Variants in OPA3 observed in about 807,000 individuals in gnomAD.
OPA3 encodes outer mitochondrial membrane lipid metabolism regulator OPA3.
A neutral mutation model predicts 4.0 loss-of-function variants in OPA3; 6 were observed. That is an observed-to-expected ratio of 1.51 (90% CI 0.83 to 2.99). The LOEUF is 2.99. OPA3 is among the 30% of genes most tolerant of loss of function. The pLI is 0.00. For synonymous variants in OPA3, 105 were observed against 117.1 expected (o/e 0.90, Z 0.67); for missense variants, 235 against 256.2 (o/e 0.92, Z 0.56).
intron 1 of OPA3, among the ~76,000 whole-genome samples, chr19:45,572,578 T>C (rs1969695382): frequency 1.5e-5 from 2 of 136,492 alleles, no homozygotes; most frequent in Non-Finnish European, 3.1e-5. Context: ...TCATGATATA[T>C]GTATATAAAT....
chr19:45,539,335 A>G (rs1184855091), intron 1 of OPA3, among the ~76,000 whole-genome samples: 1 of 152,148 alleles, frequency 6.6e-6, no homozygotes, highest in African/African-American at 2.4e-5. Flanking sequence ...AGTGGCTTAC[A>G]CACCTGTATT....
chr19:45,573,171 T>C (rs1003429778), intron 1 of OPA3, among the ~76,000 whole-genome samples: 1 of 152,110 alleles, frequency 6.6e-6, no homozygotes, highest in Non-Finnish European at 1.5e-5. Context: ...GACCTGGTTC[T>C]ACACAAGGCT....
chr19:45,571,337 G>C (rs1969663946), intron 1 of OPA3, among the ~76,000 whole-genome samples: 1 of 152,016 alleles, frequency 6.6e-6, no homozygotes, highest in African/African-American at 2.4e-5. Context: ...AGTAGAGACG[G>C]GGTTTCTCCA....
In OPA3 at chr19:45,573,144, C is replaced by T. The variant is rs1969713848; in HGVS notation, c.142+11479G>A. Among the ~76,000 whole-genome samples the T allele has an allele frequency of 2.0e-5, 3 of 151,946 alleles. No homozygotes were observed. The South Asian group carries it at 6.2e-4, about 32-fold the overall frequency. On this transcript the variant is annotated intron_variant, in intron 1 of 1. Coordinates refer to ENST00000263275, the MANE Select transcript of OPA3 (RefSeq NM_025136.4). Reference sequence around the variant, plus strand: ...CAGACGGAGGTTTTTTTCTAGTTCACCAGGTACCTTGCCAGAGACCTGGTT... The same window carrying T: ...CAGACGGAGGTTTTTTTCTAGTTCATCAGGTACCTTGCCAGAGACCTGGTT...
intron 1 of OPA3, among the ~76,000 whole-genome samples, chr19:45,537,329 G>C (rs1264425588): frequency 8.2e-6 from 1 of 122,592 alleles, no homozygotes; most frequent in African/African-American, 3.1e-5. Flanking sequence ...CCCGAGAGTT[G>C]AAGGCTGTAA....
At chr19:45,559,035 C>G (rs1053556753) in intron 1 of OPA3, among the ~76,000 whole-genome samples, 2 of 152,040 alleles carry the variant, frequency 1.3e-5, no homozygotes, top group Non-Finnish European at 2.9e-5. Flanking sequence ...AGGCGCCCAC[C>G]ACCATGTCCG....
intron 1 of OPA3, among the ~76,000 whole-genome samples, chr19:45,540,985 G>T (rs555282097): frequency 2.0e-5 from 3 of 152,260 alleles, no homozygotes; most frequent in African/African-American, 4.8e-5. Flanking sequence ...TGAGGTTTTT[G>T]ATTTTCCAGC....
chr19:45,550,969 C>A lies in OPA3; in HGVS notation c.*2545G>T. On this transcript the variant is annotated 3_prime_UTR_variant, in exon 2 of 2. Transcript: ENST00000263275. ...CGGGGTTGGCAGGAGTCCCAGGGTACTTTTTTTCTGAGAAAGGGTCTCACT... is the reference window on the plus strand; with the variant it reads ...CGGGGTTGGCAGGAGTCCCAGGGTAATTTTTTTCTGAGAAAGGGTCTCACT... The A allele has an allele frequency of 3.0e-6, 3 of 985,340 alleles. No individual in the cohort carries two copies. Among genetic ancestry groups the A allele is most frequent in the Non-Finnish European group, 3.6e-6 (3 of 829,960 alleles). The allele number at this position is 985,340 out of a possible 1,614,324, so 61.0% of individuals were successfully genotyped here.
intron 1 of OPA3, among the ~76,000 whole-genome samples, chr19:45,536,178 G>A (rs1288131644): frequency 6.2e-5 from 9 of 144,422 alleles, no homozygotes; most frequent in Admixed American, 3.5e-4. Context: ...GCAGTGAGCC[G>A]AGATCACACC....
At chr19:45,540,793 A>T (rs1228772954) in intron 1 of OPA3, among the ~76,000 whole-genome samples, 1 of 136,046 alleles carries the variant, frequency 7.4e-6, no homozygotes, top group Non-Finnish European at 1.7e-5. Context: ...AGAGAGAGAG[A>T]CTCCGTCTCA....
intron 1 of OPA3, among the ~76,000 whole-genome samples, chr19:45,571,293 G>A (rs1969663117): frequency 6.7e-6 from 1 of 148,166 alleles, no homozygotes; most frequent in South Asian, 2.2e-4. Context: ...ACAGGCATGC[G>A]CCACCATGCC....
At chr19:45,557,612 C>T (rs1450426797) in intron 1 of OPA3, among the ~76,000 whole-genome samples, 2 of 152,168 alleles carry the variant, frequency 1.3e-5, no homozygotes, top group African/African-American at 2.4e-5. Flanking sequence ...CTCTCAGCTG[C>T]GTGTCGGGTC....
intron 1 of OPA3, among the ~76,000 whole-genome samples, chr19:45,540,544 G>A (rs1969173345): frequency 7.2e-6 from 1 of 139,338 alleles, no homozygotes; most frequent in African/African-American, 2.7e-5. Flanking sequence ...CTGGGTGACT[G>A]AGTAAGACCC....
intron 1 of OPA3, among the ~76,000 whole-genome samples, chr19:45,567,591 T>C (rs1268423376): frequency 6.6e-6 from 1 of 152,110 alleles, no homozygotes; most frequent in Non-Finnish European, 1.5e-5. Flanking sequence ...TACATGGGTA[T>C]ATGCATGTAC....
chr19:45,583,352 CCGTG>C (rs1969884282), intron 1 of OPA3, among the ~76,000 whole-genome samples: 2 of 152,054 alleles, frequency 1.3e-5, no homozygotes, highest in East Asian at 3.9e-4. Context: ...TGGGGTTTCA[CCGTG>C]TTAGCCAGGA....
chr19:45,574,093 T>C (rs1969729974), intron 1 of OPA3, among the ~76,000 whole-genome samples: 1 of 142,098 alleles, frequency 7.0e-6, no homozygotes, highest in African/African-American at 2.7e-5. Flanking sequence ...TTAGACTCCA[T>C]CTCAAAAAAA....
At chr19:45,562,263 C>T (rs542792623) in intron 1 of OPA3, among the ~76,000 whole-genome samples, 58 of 136,974 alleles carry the variant, frequency 4.2e-4, no homozygotes, top group African/African-American at 1.4e-3. Flanking sequence ...AGGAGAATCG[C>T]TTGAATCCAG....
chr19:45,569,869 C>A (rs1263245548), intron 1 of OPA3, among the ~76,000 whole-genome samples: 4 of 152,172 alleles, frequency 2.6e-5, no homozygotes, highest in African/African-American at 9.7e-5. Flanking sequence ...AATGACACCA[C>A]TGAGCCACCA....
rs879119658 is a variant in OPA3, at chr19:45,549,487, G to GTTT, written c.*4024_*4026dup. 1 of 831,988 alleles carries GTTT rather than the reference G, an allele frequency of 1.2e-6. No homozygotes were observed. The highest frequency in any genetic ancestry group is 1.3e-4 in the East Asian group (1 of 7,958). The allele number at this position is 831,988 out of a possible 1,614,324, so 51.5% of individuals were successfully genotyped here. Reference sequence around the variant, plus strand: ...TGCCTGTGTTCACACTCCCACCTCTGTTTTTTTTTTTTGAGTTGAGTCTCA... The same window carrying GTTT: ...TGCCTGTGTTCACACTCCCACCTCTGTTTTTTTTTTTTTTTGAGTTGAGTCTCA... On this transcript the variant is annotated 3_prime_UTR_variant, in exon 2 of 2. Coordinates refer to ENST00000263275, the MANE Select transcript of OPA3 (RefSeq NM_025136.4).
Sources: allele counts gnomAD v4.1 joint callset (sites outside exome capture counted in the v4.1 genomes callset), GRCh38; gene constraint gnomAD v4.1.1; transcripts MANE v1.5; gene names NCBI Gene and HGNC (gene_info 2026-07-23, HGNC 2026-07-21).